SLC4A10: variants seen among roughly 807,000 people sequenced by gnomAD.
SLC4A10 encodes solute carrier family 4 member 10.
Under a neutral mutation model 137.7 loss-of-function variants are expected in SLC4A10, and 42 were observed. The observed-to-expected ratio is 0.30, with a 90% confidence interval of 0.24 to 0.39. SLC4A10 has a LOEUF of 0.39. SLC4A10 is among the 10% of genes least tolerant of loss of function. SLC4A10 has a pLI of 1.00. For missense variants in SLC4A10, 925 were observed against 1,355.0 expected, an observed-to-expected ratio of 0.68 and a Z score of 4.98; for synonymous variants, 474 against 464.1, an observed-to-expected ratio of 1.02 and a Z score of -0.27.
chr2:161,921,225 T>C (rs1231793258), intron 15 of SLC4A10, among the ~76,000 whole-genome samples: 6 of 152,120 alleles, frequency 3.9e-5, no homozygotes, highest in Non-Finnish European at 8.8e-5. Flanking sequence ...TGTTTCTTTC[T>C]CTCTCTCTCT....
chr2:161,980,986 G>A (rs1354879782), intron 26 of SLC4A10, among the ~76,000 whole-genome samples: 2 of 152,170 alleles, frequency 1.3e-5, no homozygotes, highest in Non-Finnish European at 2.9e-5. Context: ...GAGGTCTTGA[G>A]CTGGTTATAA....
At chr2:161,846,487 G>A (rs950066692) in intron 4 of SLC4A10, among the ~76,000 whole-genome samples, 5 of 152,162 alleles carry the variant, frequency 3.3e-5, no homozygotes, top group Non-Finnish European at 5.9e-5. Context: ...TTATCCCAGA[G>A]TAATGAAAAC....
chr2:161,812,041 C>T (rs2056600331), intron 3 of SLC4A10, among the ~76,000 whole-genome samples: 1 of 151,962 alleles, frequency 6.6e-6, no homozygotes, highest in Non-Finnish European at 1.5e-5. Context: ...CTCCATATTG[C>T]TTTATTTGGT....
Position 161,804,602 on chromosome 2 carries a change from A to G in SLC4A10, c.277+7A>G. The G allele has an allele frequency of 6.2e-7, 1 of 1,602,544 alleles. No individual in the cohort carries two copies. The highest frequency in any genetic ancestry group is 2.2e-5 in the East Asian group (1 of 44,486). ...AGGGAGTCACCTTCTTTTGGTAAGA[A>G]TCCTTCTCCTTGTTTTTATTAAGTT... is the stretch of plus-strand genomic sequence containing the variant. On this transcript the variant is annotated splice_region_variant and intron_variant, in intron 3 of 26. Transcript: ENST00000446997.
rs188101878 is a variant in SLC4A10, at chr2:161,948,788, C to T, written c.2266-360C>T. Among the ~76,000 whole-genome samples, 103 of 152,162 alleles carry T rather than the reference C, an allele frequency of 6.8e-4. 1 individual carries two copies. The highest frequency in any genetic ancestry group is 2.4e-3 in the African/African-American group (100 of 41,538). On this transcript the variant is annotated intron_variant, in intron 17 of 26. Coordinates refer to ENST00000446997, the MANE Select transcript of SLC4A10 (RefSeq NM_001178015.2). ...AAAGTGTTACCTGTGTGAAAGAGAT[C>T]CCTAAAATCCAGCCAAATTCTGCCC...
chr2:161,807,562 C>G (rs1348527690), intron 3 of SLC4A10, among the ~76,000 whole-genome samples: 1 of 152,140 alleles, frequency 6.6e-6, no homozygotes, highest in Non-Finnish European at 1.5e-5. Flanking sequence ...TACTTTTCTT[C>G]TATCCATAAG....
At chr2:161,708,808 T>G in intron 1 of SLC4A10, 3 of 1,532,298 alleles carry the variant, frequency 2.0e-6, no homozygotes, top group Non-Finnish European at 2.6e-6. Flanking sequence ...CCTGTGAGCC[T>G]TTTCAATCTC....
chr2:161,712,563 C>T (rs2044403649), intron 1 of SLC4A10, among the ~76,000 whole-genome samples: 1 of 151,618 alleles, frequency 6.6e-6, no homozygotes. Flanking sequence ...CTAGATGAAA[C>T]ACTAAATGAA....
At chr2:161,632,327 C>T (rs1241753514) in intron 1 of SLC4A10, among the ~76,000 whole-genome samples, 1 of 150,380 alleles carries the variant, frequency 6.6e-6, no homozygotes, top group African/African-American at 2.4e-5. Context: ...TGGTGAATTT[C>T]TGTTGATATT....
At chr2:161,820,315 A>G (rs760655836) in intron 3 of SLC4A10, among the ~76,000 whole-genome samples, 1 of 152,198 alleles carries the variant, frequency 6.6e-6, no homozygotes, top group African/African-American at 2.4e-5. Flanking sequence ...TTACAAATGT[A>G]TTTTATTGTA....
intron 1 of SLC4A10, among the ~76,000 whole-genome samples, chr2:161,756,017 C>T (rs1042883166): frequency 4.6e-5 from 7 of 152,120 alleles, no homozygotes; most frequent in Non-Finnish European, 7.4e-5. Context: ...GATCCACCCC[C>T]CTCAGCCTCC....
Position 161,882,457 on chromosome 2 carries a change from G to T in SLC4A10, c.1194+13G>T, listed in dbSNP as rs529573902. The T allele has an allele frequency of 6.5e-7, 1 of 1,544,130 alleles. No homozygotes were observed. Among genetic ancestry groups the T allele is most frequent in the African/African-American group, 1.4e-5 (1 of 72,672 alleles). ...AATGACAGATGAGGTATTTATTCAA[G>T]TTCTTTGGGAACATTTTCCCCCATT... On this transcript the variant is annotated intron_variant, in intron 10 of 26. Transcript: ENST00000446997.
chr2:161,962,045 G>A (rs1266463497), intron 21 of SLC4A10, among the ~76,000 whole-genome samples: 1 of 152,098 alleles, frequency 6.6e-6, no homozygotes. Flanking sequence ...GTAAAACTCA[G>A]AATACATTTA....
At chr2:161,754,033 G>GT (rs2049307163) in intron 1 of SLC4A10, among the ~76,000 whole-genome samples, 1 of 151,898 alleles carries the variant, frequency 6.6e-6, no homozygotes, top group Non-Finnish European at 1.5e-5. Flanking sequence ...GAGACTATAG[G>GT]TATGTGCCAC....
intron 6 of SLC4A10, among the ~76,000 whole-genome samples, chr2:161,870,586 G>T (rs1158377278): frequency 6.6e-6 from 1 of 151,864 alleles, no homozygotes; most frequent in African/African-American, 2.4e-5. Flanking sequence ...GAGAAATGAT[G>T]TGAAACTGGT....
chr2:161,811,293 T>A (rs1164454416), intron 3 of SLC4A10, among the ~76,000 whole-genome samples: 1 of 152,044 alleles, frequency 6.6e-6, no homozygotes, highest in African/African-American at 2.4e-5. Flanking sequence ...TCAATCTTAT[T>A]TATTCTTTCA....
At chr2:161,795,398 A>T (rs905666225) in intron 2 of SLC4A10, among the ~76,000 whole-genome samples, 1 of 152,114 alleles carries the variant, frequency 6.6e-6, no homozygotes, top group Non-Finnish European at 1.5e-5. Context: ...TTACTGAGGG[A>T]TGACTGACAT....
intron 20 of SLC4A10, 80 bp from the exon 21 acceptor site, chr2:161,958,404 TCCC>T: frequency 8.7e-7 from 1 of 1,153,712 alleles, no homozygotes; most frequent in Admixed American, 2.0e-5. Context: ...ATGCCTTTTT[TCCC>T]TGTTTTTTTC....
chr2:161,700,188 C>T (rs561942738), intron 1 of SLC4A10, among the ~76,000 whole-genome samples: 2 of 152,256 alleles, frequency 1.3e-5, no homozygotes, highest in South Asian at 4.1e-4. Flanking sequence ...AAAGATCTGT[C>T]AGGATCAGTT....
Sources: allele counts gnomAD v4.1 joint callset (sites outside exome capture counted in the v4.1 genomes callset), GRCh38; gene constraint gnomAD v4.1.1; transcripts MANE v1.5; gene names NCBI Gene and HGNC (gene_info 2026-07-23, HGNC 2026-07-21).